KIF18A: variants seen among roughly 807,000 people sequenced by gnomAD.
The protein encoded by KIF18A is kinesin-like protein KIF18A.
In KIF18A, 67 loss-of-function variants were observed where a neutral mutation model predicts 103.3. The ratio of observed to expected loss-of-function variants is 0.65; its 90% confidence interval spans 0.53 to 0.79. The LOEUF is 0.79. Ranked by LOEUF, KIF18A falls within the 30% of genes least tolerant of loss-of-function variation. KIF18A has a pLI of 0.00. For missense variants in KIF18A, 1,032 were observed against 1,062.5 expected (o/e 0.97, Z 0.40); for synonymous variants, 367 against 355.5 (o/e 1.03, Z -0.36).
chr11:28,094,898 G>A, intron 2 of KIF18A, 98 bp from the exon 3 acceptor site: 4 of 1,212,220 alleles, frequency 3.3e-6, no homozygotes, highest in East Asian at 4.7e-5. Context: ...ATCCTGAACA[G>A]TATCTTTAAA....
rs765993253 is a variant in KIF18A at position 28,083,255 on chromosome 11, T to C, written c.1075-12A>G. On this transcript the variant is annotated splice_polypyrimidine_tract_variant and intron_variant, in intron 7 of 16. Coordinates refer to ENST00000263181, the MANE Select transcript of KIF18A (RefSeq NM_031217.4). ...ACATTGCTCTTCAACTGTTGAAAGA[T>C]AGAAATTATGATTGTTTATAGAGAG... 1.3e-5 allele frequency: 20 copies of C among 1,547,210 alleles called. No homozygotes were observed. The highest frequency in any genetic ancestry group is 4.8e-5 in the Admixed American group (2 of 41,312).
chr11:28,091,415 TA>T lies in KIF18A; in HGVS notation c.581del (p.Leu194TyrfsTer28). On this transcript the variant is annotated frameshift_variant, in exon 4 of 17. Coordinates refer to ENST00000263181, the MANE Select transcript of KIF18A (RefSeq NM_031217.4). LOFTEE classifies it high-confidence loss of function. ...QKGVVVHGLT[L>X]HQPKSSEEIL... ...AAGATGTTTATATACATACCTGGTGTAAAGTAAGTCCATGAACGACCACCCC... is the reference window on the plus strand; with the variant it reads ...AAGATGTTTATATACATACCTGGTGTAAGTAAGTCCATGAACGACCACCCC... 1 of 1,570,218 alleles carries T rather than the reference TA, an allele frequency of 6.4e-7. No homozygotes were observed. The highest frequency in any genetic ancestry group is 1.4e-5 in the African/African-American group (1 of 73,938).
intron 1 of KIF18A, among the ~76,000 whole-genome samples, chr11:28,106,551 CAA>C (rs11301094): frequency 0.051 from 4,156 of 82,240 alleles, 171 homozygotes; most frequent in African/African-American, 0.16. Flanking sequence ...CAGTTGTCAG[CAA>C]AAAAAAAAAA....
intron 1 of KIF18A, among the ~76,000 whole-genome samples, chr11:28,098,576 C>T (rs1303182468): frequency 2.0e-5 from 3 of 152,102 alleles, no homozygotes; most frequent in Non-Finnish European, 1.5e-5. Flanking sequence ...TCCAAGGATG[C>T]ATTCAACTAG....
In KIF18A at chr11:28,036,452, T is replaced by C; in HGVS notation, c.2161A>G (p.Thr721Ala). 1.2e-6 allele frequency: 2 copies of C among 1,610,946 alleles called. No individual in the cohort carries two copies. The highest frequency in any genetic ancestry group is 1.7e-6 in the Non-Finnish European group (2 of 1,177,934). The change falls in exon 14 of 17, where the codon ACC (threonine) becomes GCC (alanine). Residue 721 changes from threonine to alanine, a missense_variant. Thr to Ala is a moderately conservative substitution (Grantham distance 58). Transcript: ENST00000263181. ...GTAAATGATGATGGTTTCATTAAGG[T>C]TACTGTAGACGGATTTTGAAAAGCT... Reference protein sequence around the residue: ...RKAFQNPSTVTLMKPSSFTTS... With the variant: ...RKAFQNPSTVALMKPSSFTTS...
In KIF18A at chr11:28,069,390, A is replaced by G; in HGVS notation, c.1459T>C (p.Leu487=). ...TCCAGGTAGGAGCGACGAGTTTTCA[A>G]CATTGCAAGTCTATGATCTCGTTTT... The part of the protein sequence containing the change: ...TGKRDHRLAM[L]KTRRSYLEKR... Residue 487 remains leucine, a synonymous_variant, in exon 11 of 17, where the codon TTG becomes CTG. Transcript: ENST00000263181. 1 of 1,613,668 alleles carries G rather than the reference A, an allele frequency of 6.2e-7. No homozygotes were observed. Among genetic ancestry groups the G allele is most frequent in the Non-Finnish European group, 8.5e-7 (1 of 1,179,790 alleles).
intron 14 of KIF18A, 21 bp from the exon 15 acceptor site, chr11:28,035,515 A>G: frequency 1.5e-6 from 2 of 1,338,886 alleles, no homozygotes; most frequent in Non-Finnish European, 2.0e-6. Flanking sequence ...ATAGTGACAA[A>G]TAAAAAATAA....
intron 1 of KIF18A, among the ~76,000 whole-genome samples, chr11:28,098,823 A>G (rs1401371207): frequency 6.6e-6 from 1 of 152,082 alleles, no homozygotes; most frequent in Non-Finnish European, 1.5e-5. Context: ...AATACTCTAG[A>G]ATCTGCAGAC....
intron 9 of KIF18A, among the ~76,000 whole-genome samples, chr11:28,078,087 A>G (rs1851118861): frequency 6.6e-6 from 1 of 152,188 alleles, no homozygotes; most frequent in South Asian, 2.1e-4. Flanking sequence ...TGAAGACTTT[A>G]AAATAAAGTA....
chr11:28,038,475 T>C (rs1850521465), intron 13 of KIF18A, among the ~76,000 whole-genome samples: 1 of 151,692 alleles, frequency 6.6e-6, no homozygotes, highest in African/African-American at 2.4e-5. Flanking sequence ...TGTATTTCCA[T>C]TCACGTTGTC....
At chr11:28,076,485 C>T (rs1851092282) in intron 10 of KIF18A, 1 of 152,082 alleles carries the variant, frequency 6.6e-6, no homozygotes, top group South Asian at 2.1e-4. Context: ...TTGTTTATTT[C>T]CTTTTTGTTA....
chr11:28,106,713 G>GT (rs1327681651), intron 1 of KIF18A, among the ~76,000 whole-genome samples: 1 of 152,114 alleles, frequency 6.6e-6, no homozygotes, highest in African/African-American at 2.4e-5. Flanking sequence ...CCTCACACCT[G>GT]TAATTCCTGC....
chr11:28,092,180 G>A (rs1271699053), intron 3 of KIF18A, among the ~76,000 whole-genome samples: 1 of 152,200 alleles, frequency 6.6e-6, no homozygotes, highest in Non-Finnish European at 1.5e-5. Flanking sequence ...AATGCAGGTT[G>A]TATGGAGATG....
chr11:28,021,122 A>C lies in KIF18A; in HGVS notation c.*78T>G, dbSNP rs1850235229. On this transcript the variant is annotated 3_prime_UTR_variant, in exon 17 of 17. Coordinates refer to ENST00000263181, the MANE Select transcript of KIF18A (RefSeq NM_031217.4). ...GATGGGTCTTCTTTCAAAGATTTTAAATATATTTTTGAAAGGGTATTGATA... is the reference window on the plus strand; with the variant it reads ...GATGGGTCTTCTTTCAAAGATTTTACATATATTTTTGAAAGGGTATTGATA... 4 of 1,289,960 alleles carry C rather than the reference A, an allele frequency of 3.1e-6. No individual in the cohort carries two copies. In the Middle Eastern group the frequency reaches 8.0e-4, roughly 257 times the overall value. 79.9% of individuals were successfully genotyped at this position (1,289,960 alleles called of 1,614,324 possible). A position where few individuals can be genotyped will look rare whatever the true frequency, so the allele number is the denominator to read the frequency against.
At chr11:28,059,498 A>G (rs934842327) in intron 12 of KIF18A, among the ~76,000 whole-genome samples, 15 of 152,214 alleles carry the variant, frequency 9.9e-5, no homozygotes, top group African/African-American at 3.6e-4. Context: ...TAGTGGCATG[A>G]TCATCTCATT....
At chr11:28,061,465 G>A (rs1057343095) in intron 12 of KIF18A, among the ~76,000 whole-genome samples, 1 of 151,932 alleles carries the variant, frequency 6.6e-6, no homozygotes, top group African/African-American at 2.4e-5. Context: ...TTCATCTGGG[G>A]TCTGATATAG....
intron 4 of KIF18A, among the ~76,000 whole-genome samples, chr11:28,091,181 C>CATACATAT (rs1851298768): frequency 6.6e-6 from 1 of 151,776 alleles, no homozygotes; most frequent in Non-Finnish European, 1.5e-5. Flanking sequence ...TACATACATA[C>CATACATAT]ATACGTAGAT....
intron 2 of KIF18A, among the ~76,000 whole-genome samples, chr11:28,095,350 C>T (rs565198119): frequency 6.6e-6 from 1 of 152,306 alleles, no homozygotes; most frequent in South Asian, 2.1e-4. Flanking sequence ...CTACTTGATC[C>T]AGCTGGAAAA....
intron 13 of KIF18A, 83 bp from the exon 14 acceptor site, chr11:28,036,747 C>G: frequency 1.3e-6 from 1 of 757,390 alleles, no homozygotes; most frequent in South Asian, 3.3e-5. Context: ...ACTAAGAAAC[C>G]CTAATAATAA....
Sources: gnomAD v4.1 joint callset for allele counts (sites outside exome capture counted in the v4.1 genomes callset) on GRCh38, gnomAD v4.1.1 for gene constraint, MANE v1.5 for transcripts, NCBI Gene and HGNC (gene_info 2026-07-23, HGNC 2026-07-21) for gene names.